GOLGA2: variants seen among roughly 807,000 people sequenced by gnomAD.
GOLGA2 encodes golgin subfamily A member 2.
A neutral mutation model predicts 148.8 loss-of-function variants in GOLGA2; 49 were observed. That is an observed-to-expected ratio of 0.33 (90% CI 0.26 to 0.42). The LOEUF (loss-of-function observed/expected upper bound fraction) is 0.42, where lower values mean the gene tolerates loss of function less well. Ranked by LOEUF, GOLGA2 falls within the 10% of genes least tolerant of loss-of-function variation. GOLGA2 has a pLI of 1.00. For missense variants in GOLGA2, 1,178 were observed against 1,304.6 expected (o/e 0.90, Z 1.49); for synonymous variants, 501 against 511.8 (o/e 0.98, Z 0.28).
rs1829970820 is a variant in GOLGA2 at position 128,257,648 on chromosome 9, T to C, written c.2671A>G (p.Lys891Glu). Reference sequence around the variant, plus strand: ...GCCAGCCTGCTGATGTACTCCTCCTTCTCCCGGTGCCGCTCCTTCAGCACT... The same window carrying C: ...GCCAGCCTGCTGATGTACTCCTCCTCCTCCCGGTGCCGCTCCTTCAGCACT... Reference protein sequence around the residue: ...RAVLKERHREKEEYISRLAQD... With the variant: ...RAVLKERHREEEEYISRLAQD... The change falls in exon 25 of 27, where the codon AAG (lysine) becomes GAG (glutamate). Residue 891 changes from lysine to glutamate, a missense_variant. Physicochemically the swap from Lys to Glu is moderately conservative, Grantham distance 56 (BLOSUM62 1). Coordinates refer to ENST00000611957, the MANE Select transcript of GOLGA2 (RefSeq NM_001366244.2). This position sits in a 1 kb window ranked among gnomAD's most constrained non-coding sequence, Gnocchi z 8.0. 1 of 1,614,086 alleles carries C rather than the reference T, an allele frequency of 6.2e-7. No individual in the cohort carries two copies. The highest frequency in any genetic ancestry group is 8.5e-7 in the Non-Finnish European group (1 of 1,180,002).
Position 128,256,917 on chromosome 9 carries a change from A to T in GOLGA2, c.*150T>A. The T allele has an allele frequency of 1.7e-6, 1 of 599,822 alleles. No homozygotes were observed. The highest frequency in any genetic ancestry group is 2.8e-5 in the East Asian group (1 of 35,668). 37.2% of individuals were successfully genotyped at this position (599,822 alleles called of 1,614,324 possible). On this transcript the variant is annotated 3_prime_UTR_variant, in exon 27 of 27. Coordinates refer to ENST00000611957, the MANE Select transcript of GOLGA2 (RefSeq NM_001366244.2). ...CAGCTTTTAGATGACAGTGATCTTC[A>T]CCTCATCTGCACCTGTCTACCCCCG... is the stretch of plus-strand genomic sequence containing the variant.
rs754040644 is a variant in GOLGA2 at position 128,261,156 on chromosome 9, C to G, written c.1420+16G>C. ...GACACCATTCCTGCTCCCAGGTCAC[C>G]CCAGCCCCAGCTTACCCATCTGGTT... is the stretch of plus-strand genomic sequence containing the variant. On this transcript the variant is annotated intron_variant, in intron 17 of 26. Coordinates refer to ENST00000611957, the MANE Select transcript of GOLGA2 (RefSeq NM_001366244.2). This position sits in a 1 kb window ranked among gnomAD's most constrained non-coding sequence, Gnocchi z 5.7. 1.3e-6 allele frequency: 2 copies of G among 1,581,656 alleles called. No individual in the cohort carries two copies. The highest frequency in any genetic ancestry group is 2.7e-5 in the African/African-American group (2 of 74,182).
At position 128,266,227 on chromosome 9, in the gene GOLGA2, C is replaced by T; in HGVS notation, c.681+60G>A. The stretch of plus-strand genomic sequence containing the variant: ...GGGTGAGACGAGACTGAGGCCTCTA[C>T]ATTTGAATGCCCCCCAAACCCAGCA... On this transcript the variant is annotated intron_variant, in intron 9 of 26. Coordinates refer to ENST00000611957, the MANE Select transcript of GOLGA2 (RefSeq NM_001366244.2). The surrounding 1 kb of genome is among the most constrained non-coding windows in gnomAD (Gnocchi z 4.2). The T allele has an allele frequency of 2.0e-6, 3 of 1,494,432 alleles. No individual in the cohort carries two copies. Among genetic ancestry groups the T allele is most frequent in the Non-Finnish European group, 2.8e-6 (3 of 1,071,736 alleles). The allele number at this position is 1,494,432 out of a possible 1,614,324, so 92.6% of individuals were successfully genotyped here. A position where few individuals can be genotyped will look rare whatever the true frequency, so the allele number is the denominator to read the frequency against.
chr9:128,258,446 C>T lies in GOLGA2; in HGVS notation c.2289+9G>A, dbSNP rs376582413. The T allele has an allele frequency of 5.5e-5, 88 of 1,610,142 alleles. No individual in the cohort carries two copies. The highest frequency in any genetic ancestry group is 1.2e-4 in the Admixed American group (7 of 59,880). On this transcript the variant is annotated intron_variant, in intron 22 of 26. Coordinates refer to ENST00000611957, the MANE Select transcript of GOLGA2 (RefSeq NM_001366244.2). The surrounding 1 kb of genome is among the most constrained non-coding windows in gnomAD (Gnocchi z 6.6). ...GCAGCAAAGGTTGGGGAGGGGGAGT[C>T]AGCCTCACCATGGCTTCCCGGCTCT...
Position 128,259,404 on chromosome 9 carries a change from C to G in GOLGA2, c.1873-13G>C. The G allele has an allele frequency of 6.5e-7, 1 of 1,542,598 alleles. No homozygotes were observed. Among genetic ancestry groups the G allele is most frequent in the Non-Finnish European group, 8.8e-7 (1 of 1,136,236 alleles). ...TCTTCAGCTCCACCTGTAGGAAGACCCTGGGCGTGAGGGCAGGTGGTGGCC... is the reference window on the plus strand; with the variant it reads ...TCTTCAGCTCCACCTGTAGGAAGACGCTGGGCGTGAGGGCAGGTGGTGGCC... On this transcript the variant is annotated splice_polypyrimidine_tract_variant and intron_variant, in intron 19 of 26. Transcript: ENST00000611957.
chr9:128,275,843 C>A, intron 1 of GOLGA2, 50 bp downstream of exon 1: 2 of 954,660 alleles, frequency 2.1e-6, no homozygotes, highest in Non-Finnish European at 1.6e-6. Flanking sequence ...GTCCTGCCAT[C>A]GGAGTGGGGC....
intron 8 of GOLGA2, 86 bp downstream of exon 8, chr9:128,267,108 C>A: frequency 2.0e-6 from 2 of 979,502 alleles, no homozygotes; most frequent in South Asian, 2.6e-5. Flanking sequence ...CACCAGGGGC[C>A]CCCTGCCCCT....
intron 6 of GOLGA2, 81 bp downstream of exon 6, chr9:128,267,853 T>C: frequency 8.8e-7 from 1 of 1,140,732 alleles, no homozygotes; most frequent in Non-Finnish European, 1.3e-6. Context: ...GGATCTTCCC[T>C]CTCTCTTGTG....
chr9:128,267,371 T>A, intron 7 of GOLGA2, 87 bp downstream of exon 7: 1 of 1,432,996 alleles, frequency 7.0e-7, no homozygotes, highest in Non-Finnish European at 9.8e-7. Flanking sequence ...CTGTCTCAGC[T>A]GGCAGAGGGG....
rs1357256353 is a variant in GOLGA2 at position 128,273,854 on chromosome 9, T to C, written c.203A>G (p.Glu68Gly). ...GCCTGGCCATCCAAGACTCACATCC[T>C]CAGGTGAGTGGCAACCACCAGAAGT... Reference protein sequence around the residue: ...TTTSGGCHSPEDIQDILKVLV... With the variant: ...TTTSGGCHSPGDIQDILKVLV... The change falls in exon 2 of 27, where the codon GAG becomes GGG. Residue 68 changes from glutamate to glycine, a missense_variant. By Grantham distance (98) the Glu-to-Gly change is moderately conservative (BLOSUM62 -2). Coordinates refer to ENST00000611957, the MANE Select transcript of GOLGA2 (RefSeq NM_001366244.2). The C allele has an allele frequency of 1.2e-6, 2 of 1,614,006 alleles. No individual in the cohort carries two copies. Among genetic ancestry groups the C allele is most frequent in the African/African-American group, 2.7e-5 (2 of 75,024 alleles).
At chr9:128,275,340 G>A (rs1466120673) in intron 1 of GOLGA2, 3 of 1,153,402 alleles carry the variant, frequency 2.6e-6, no homozygotes, top group Middle Eastern at 2.1e-4. Context: ...TTCCGAGGGG[G>A]ATTGTGACGT....
At position 128,257,476 on chromosome 9, in the gene GOLGA2, C is replaced by T. The variant is rs544717555; in HGVS notation, c.2768G>A (p.Arg923His). ...CAGGAATCTGCCATGCCACTCGTTG[C>T]GGTCGCCCACAAGCCGTAAGACCAG... ...QELVLRLVGD[R>H]NEWHGRFLAA... Residue 923 changes from arginine (R) to histidine (H), a missense_variant, in exon 26 of 27, where the codon CGC (arginine) becomes CAC (histidine). By Grantham distance (29) the Arg-to-His change is conservative. Around this residue, in one of 5 missense-constraint regions of GOLGA2, gnomAD observed 149 missense variants for 154.9 expected, o/e 0.96. Transcript: ENST00000611957. The surrounding 1 kb of genome is among the most constrained non-coding windows in gnomAD (Gnocchi z 8.0). 3.5e-5 allele frequency: 56 copies of T among 1,613,258 alleles called. No individual in the cohort carries two copies. In the South Asian group the frequency reaches 5.4e-4, roughly 16 times the overall value.
At position 128,267,129 on chromosome 9, in the gene GOLGA2, T is replaced by C. The variant is rs568065717; in HGVS notation, c.642+65A>G. 7 of 1,127,182 alleles carry C rather than the reference T, an allele frequency of 6.2e-6. No homozygotes were observed. The African/African-American group carries it at 1.1e-4, about 17-fold the overall frequency. 69.8% of individuals were successfully genotyped at this position (1,127,182 alleles called of 1,614,324 possible). A position where few individuals can be genotyped will look rare whatever the true frequency, so the allele number is the denominator to read the frequency against. On this transcript the variant is annotated intron_variant, in intron 8 of 26. Transcript: ENST00000611957. The stretch of plus-strand genomic sequence containing the variant: ...GGGCCCCCTGCCCCTTTCTTCAGGG[T>C]CCCAAGGGGAAACTGGAGCCCAGGA...
Position 128,275,980 on chromosome 9 carries a change from C to G in GOLGA2, c.-4G>C. On this transcript the variant is annotated 5_prime_UTR_variant, in exon 1 of 27. Coordinates refer to ENST00000611957, the MANE Select transcript of GOLGA2 (RefSeq NM_001366244.2). ...GGAGGCGGGGTTGGGGCCACATCAG[C>G]GCGATCCCGGCAACCACTGCGGAAG... The G allele has an allele frequency of 6.3e-7, 1 of 1,598,946 alleles. No homozygotes were observed. The highest frequency in any genetic ancestry group is 8.5e-7 in the Non-Finnish European group (1 of 1,171,774).
chr9:128,272,967 GGAAAT>G, intron 2 of GOLGA2, 102 bp from the exon 3 acceptor site: 3 of 392,802 alleles, frequency 7.6e-6, no homozygotes, highest in South Asian at 3.9e-5. Context: ...GTGGGTTCAG[GGAAAT>G]GAAATAAGAA....
At chr9:128,272,941 A>G in intron 2 of GOLGA2, 76 bp from the exon 3 acceptor site, 1 of 464,736 alleles carries the variant, frequency 2.2e-6, no homozygotes, top group Admixed American at 2.9e-5. Flanking sequence ...CAAGAAAGTC[A>G]GGGAAGGAGG....
At position 128,257,561 on chromosome 9, in the gene GOLGA2, C is replaced by T; in HGVS notation, c.2719-36G>A. ...GGGTGCTAAGCTGCCATGCCCATGCCCGTGCCCACCTCCACCCCCAGAGAT... is the reference window on the plus strand; with the variant it reads ...GGGTGCTAAGCTGCCATGCCCATGCTCGTGCCCACCTCCACCCCCAGAGAT... On this transcript the variant is annotated intron_variant, in intron 25 of 26. Coordinates refer to ENST00000611957, the MANE Select transcript of GOLGA2 (RefSeq NM_001366244.2). This position sits in a 1 kb window ranked among gnomAD's most constrained non-coding sequence, Gnocchi z 8.0. The T allele has an allele frequency of 1.9e-6, 3 of 1,614,060 alleles. No homozygotes were observed. Among genetic ancestry groups the T allele is most frequent in the Non-Finnish European group, 2.5e-6 (3 of 1,180,010 alleles).
rs1830587380 is a variant in GOLGA2 at position 128,266,204 on chromosome 9, G to A, written c.681+83C>T. 7.2e-7 allele frequency: 1 copy of A among 1,397,810 alleles called. No individual in the cohort carries two copies. The highest frequency in any genetic ancestry group is 1.4e-5 in the African/African-American group (1 of 70,788). The allele number at this position is 1,397,810 out of a possible 1,614,324, so 86.6% of individuals were successfully genotyped here. ...GCCTTCTTCCCCAGGCTGGGAGTGGGTGAGACGAGACTGAGGCCTCTACAT... is the reference window on the plus strand; with the variant it reads ...GCCTTCTTCCCCAGGCTGGGAGTGGATGAGACGAGACTGAGGCCTCTACAT... On this transcript the variant is annotated intron_variant, in intron 9 of 26. Transcript: ENST00000611957. The surrounding 1 kb of genome is among the most constrained non-coding windows in gnomAD (Gnocchi z 4.2).
intron 1 of GOLGA2, among the ~76,000 whole-genome samples, 198 bp downstream of exon 1, chr9:128,275,695 C>CG (rs772400717): frequency 1.9e-3 from 291 of 151,700 alleles, no homozygotes; most frequent in Non-Finnish European, 2.7e-3. Flanking sequence ...CAAAGTCACC[C>CG]GGGGGCGACT....
Sources: gnomAD v4.1 joint callset for allele counts (sites outside exome capture counted in the v4.1 genomes callset) on GRCh38, gnomAD v4.1.1 for gene constraint, gnomAD v4.1.1 regional missense constraint, Gnocchi (gnomAD v3.1) non-coding constraint, MANE v1.5 for transcripts, NCBI Gene and HGNC (gene_info 2026-07-23, HGNC 2026-07-21) for gene names.